The following MBOAT2 variants were observed in gnomAD, a reference collection of about 807,000 sequenced individuals.
The protein encoded by MBOAT2 is membrane-bound glycerophospholipid O-acyltransferase 2.
In MBOAT2, 28 loss-of-function variants were observed where a neutral mutation model predicts 63.4. The ratio of observed to expected loss-of-function variants is 0.44; its 90% CI spans 0.33 to 0.61. The LOEUF is 0.61. Ranked by LOEUF, MBOAT2 falls within the 20% of genes least tolerant of loss-of-function variation. The pLI is 0.03. For missense variants in MBOAT2, 470 were observed against 605.8 expected, an observed-to-expected ratio of 0.78 and a Z score of 2.35; for synonymous variants, 211 against 215.6, an observed-to-expected ratio of 0.98 and a Z score of 0.19.
At chr2:8,957,231 A>G (rs1256232561) in intron 2 of MBOAT2, among the ~76,000 whole-genome samples, 3 of 152,220 alleles carry the variant, frequency 2.0e-5, no homozygotes, top group African/African-American at 7.2e-5. Context: ...CGCCATAATC[A>G]AAAGTTTGAA....
chr2:8,867,830 T>C (rs1028538756), intron 9 of MBOAT2, among the ~76,000 whole-genome samples: 1 of 152,240 alleles, frequency 6.6e-6, no homozygotes, highest in Admixed American at 6.5e-5. Context: ...ACATTCTACA[T>C]GCCAGATCCT....
chr2:8,914,839 T>C (rs1666031403), intron 3 of MBOAT2, among the ~76,000 whole-genome samples: 1 of 152,074 alleles, frequency 6.6e-6, no homozygotes, highest in South Asian at 2.1e-4. Flanking sequence ...AATGATATTA[T>C]TTTGGCTATA....
chr2:8,959,514 T>C (rs994572362), intron 1 of MBOAT2, among the ~76,000 whole-genome samples: 9 of 151,740 alleles, frequency 5.9e-5, no homozygotes, highest in Admixed American at 1.3e-4. Context: ...CAGGCTGGAC[T>C]GCAGTGGTGA....
Position 8,853,578 on chromosome 2 carries a change from G to C in MBOAT2, c.*5101C>G, listed in dbSNP as rs1031272270. On this transcript the variant is annotated 3_prime_UTR_variant, in exon 13 of 13. Transcript: ENST00000305997. ...AAACATGTTACTAAGAAACTGCCTA[G>C]TCATTTTACTTATGTTGCTCTGTAA... 4 of 152,298 alleles carry C rather than the reference G, an allele frequency of 2.6e-5. No homozygotes were observed. The highest frequency in any genetic ancestry group is 3.4e-3 in the Middle Eastern group (1 of 294). The allele number at this position is 152,298 out of a possible 1,614,324, so 9.4% of individuals were successfully genotyped here.
intron 3 of MBOAT2, among the ~76,000 whole-genome samples, chr2:8,932,877 A>T (rs1667421420): frequency 6.6e-6 from 1 of 152,196 alleles, no homozygotes; most frequent in Admixed American, 6.5e-5. Context: ...TGACTACAGA[A>T]CGTGCACATG....
rs114385750 is a variant in MBOAT2, at chr2:8,946,112, G to A, written c.222-2848C>T. Among the ~76,000 whole-genome samples, 532 of 152,318 alleles carry A rather than the reference G, an allele frequency of 3.5e-3. 1 individual carries two copies. The highest frequency in any genetic ancestry group is 0.012 in the African/African-American group (497 of 41,566). On this transcript the variant is annotated intron_variant, in intron 2 of 12. Coordinates refer to ENST00000305997, the MANE Select transcript of MBOAT2 (RefSeq NM_138799.4). Reference sequence around the variant, plus strand: ...ATGGTAATAACAGATGAATGACTCTGAGTAACTTCCCATGTTCGTAATGAC... The same window carrying A: ...ATGGTAATAACAGATGAATGACTCTAAGTAACTTCCCATGTTCGTAATGAC...
At chr2:8,892,213 G>C (rs1664055663) in intron 4 of MBOAT2, among the ~76,000 whole-genome samples, 1 of 152,174 alleles carries the variant, frequency 6.6e-6, no homozygotes, top group South Asian at 2.1e-4. Flanking sequence ...GTATATTAAT[G>C]CTACAAATCA....
In MBOAT2 at chr2:8,856,350, CCAA is replaced by C. The variant is rs1167177018; in HGVS notation, c.*2326_*2328del. 6.6e-6 allele frequency: 1 copy of C among 150,926 alleles called. No homozygotes were observed. The highest frequency in any genetic ancestry group is 1.9e-4 in the East Asian group (1 of 5,174). 9.3% of individuals were successfully genotyped at this position (150,926 alleles called of 1,614,324 possible). On this transcript the variant is annotated 3_prime_UTR_variant, in exon 13 of 13. Transcript: ENST00000305997. This position sits in a 1 kb window ranked among gnomAD's most constrained non-coding sequence, Gnocchi z 4.2. ...ACACACACACACACACGAACAAAAC[CCAA>C]CAAGTTTGTATTAAGCCTTCTTGTT...
chr2:8,921,911 T>C lies in MBOAT2; in HGVS notation c.300-13195A>G, dbSNP rs192595680. Among the ~76,000 whole-genome samples, 16 of 152,314 alleles carry C rather than the reference T, an allele frequency of 1.1e-4. No homozygotes were observed. The East Asian group carries it at 3.1e-3, about 29-fold the overall frequency. On this transcript the variant is annotated intron_variant, in intron 3 of 12. Transcript: ENST00000305997. ...CTTCTTGGATCCACAGATTAATGTT[T>C]TACATCAAATTTGGGATATCAATGG...
At chr2:8,865,218 T>G (rs1383731818) in intron 9 of MBOAT2, among the ~76,000 whole-genome samples, 1 of 152,086 alleles carries the variant, frequency 6.6e-6, no homozygotes, top group Admixed American at 6.5e-5. Context: ...CAAAATAAAG[T>G]CAAGAAGAGG....
chr2:8,867,030 C>T (rs1003810541), intron 9 of MBOAT2, among the ~76,000 whole-genome samples: 6 of 152,162 alleles, frequency 3.9e-5, no homozygotes, highest in African/African-American at 1.4e-4. Flanking sequence ...TTGGAATGAT[C>T]CTTTTCGCAG....
At chr2:8,860,520 A>G (rs916895200) in intron 12 of MBOAT2, 93 bp downstream of exon 12, 6 of 1,240,220 alleles carry the variant, frequency 4.8e-6, no homozygotes, top group Admixed American at 2.2e-5. Context: ...AAATGTGGCT[A>G]TGGTACTGTT....
intron 3 of MBOAT2, among the ~76,000 whole-genome samples, chr2:8,930,862 A>T (rs1349137388): frequency 6.9e-6 from 1 of 143,954 alleles, no homozygotes; most frequent in Non-Finnish European, 1.6e-5. Flanking sequence ...CTTAAAGTAT[A>T]AAAAAAAACA....
chr2:8,916,860 C>T (rs762265492), intron 3 of MBOAT2, among the ~76,000 whole-genome samples: 2 of 152,070 alleles, frequency 1.3e-5, no homozygotes, highest in Non-Finnish European at 2.9e-5. Flanking sequence ...GTGTTTTATG[C>T]ACTTATTGAA....
chr2:8,902,884 C>T (rs1041788776), intron 4 of MBOAT2, among the ~76,000 whole-genome samples: 43 of 152,180 alleles, frequency 2.8e-4, no homozygotes, highest in African/African-American at 1.0e-3. Context: ...GCTGCTGGCT[C>T]GGGTGGCCTG....
At chr2:8,914,529 C>T (rs1049999971) in intron 3 of MBOAT2, among the ~76,000 whole-genome samples, 4 of 150,490 alleles carry the variant, frequency 2.7e-5, no homozygotes, top group Middle Eastern at 3.2e-3. Flanking sequence ...TGAGAATCAA[C>T]GAGCTATACG....
chr2:8,853,596 C>G lies in MBOAT2; in HGVS notation c.*5083G>C, dbSNP rs1660900526. On this transcript the variant is annotated 3_prime_UTR_variant, in exon 13 of 13. Transcript: ENST00000305997. ...CTGCCTAGTCATTTTACTTATGTTG[C>G]TCTGTAACTTTTGGTTTTTCACTGT... 6.6e-6 allele frequency: 1 copy of G among 152,142 alleles called. No homozygotes were observed. 9.4% of individuals were successfully genotyped at this position (152,142 alleles called of 1,614,324 possible).
At chr2:8,986,985 G>T (rs186696838) in intron 1 of MBOAT2, among the ~76,000 whole-genome samples, 11 of 152,272 alleles carry the variant, frequency 7.2e-5, no homozygotes, top group African/African-American at 2.6e-4. Flanking sequence ...ACAGTCTATG[G>T]TTTTTGTTAT....
chr2:9,002,403 G>A (rs1482067330), intron 1 of MBOAT2, among the ~76,000 whole-genome samples: 1 of 152,212 alleles, frequency 6.6e-6, no homozygotes, highest in South Asian at 2.1e-4. Flanking sequence ...GCTATGGAAA[G>A]CCGTCTGGAC....
Sources: allele counts gnomAD v4.1 joint callset (sites outside exome capture counted in the v4.1 genomes callset), GRCh38; gene constraint gnomAD v4.1.1; non-coding constraint Gnocchi (gnomAD v3.1); transcripts MANE v1.5; gene names NCBI Gene and HGNC (gene_info 2026-07-23, HGNC 2026-07-21).